The following LRMDA variants were observed in gnomAD, a reference collection of about 807,000 sequenced individuals.
The protein encoded by LRMDA is leucine-rich melanocyte differentiation-associated protein.
In LRMDA, 18 loss-of-function variants were observed where a neutral mutation model predicts 29.8. That is an observed-to-expected ratio of 0.60 (90% CI 0.42 to 0.90). The LOEUF (loss-of-function observed/expected upper bound fraction) is 0.90, where lower values mean the gene tolerates loss of function less well. Among genes scored for constraint, LRMDA ranks in the 40% least tolerant of loss-of-function variants. The pLI, the probability that LRMDA is intolerant of heterozygous loss-of-function variation, is 0.00. For synonymous variants in LRMDA, 125 were observed against 109.4 expected, an observed-to-expected ratio of 1.14 and a Z score of -0.89; for missense variants, 273 against 273.9, an observed-to-expected ratio of 1.00 and a Z score of 0.02.
chr10:76,551,288 T>G (rs1843491649), intron 6 of LRMDA, among the ~76,000 whole-genome samples: 1 of 151,224 alleles, frequency 6.6e-6, no homozygotes, highest in African/African-American at 2.4e-5. Context: ...GGGGCAAATA[T>G]TTAATCCGTA....
intron 2 of LRMDA, among the ~76,000 whole-genome samples, chr10:75,703,967 G>T (rs559067499): frequency 6.6e-6 from 1 of 152,268 alleles, no homozygotes; most frequent in South Asian, 2.1e-4. Context: ...ATTTCAGAGA[G>T]CCAAGTTCTG....
At chr10:76,387,618 G>C (rs956114048) in intron 6 of LRMDA, among the ~76,000 whole-genome samples, 2 of 151,120 alleles carry the variant, frequency 1.3e-5, no homozygotes, top group Non-Finnish European at 2.9e-5. Context: ...AAAAAAAAGT[G>C]GTATATTCAG....
intron 5 of LRMDA, among the ~76,000 whole-genome samples, chr10:76,221,875 A>G (rs1851847313): frequency 6.6e-6 from 1 of 152,008 alleles, no homozygotes; most frequent in Admixed American, 6.5e-5. Flanking sequence ...ACTATACTAC[A>G]AGGCTACAGT....
intron 5 of LRMDA, among the ~76,000 whole-genome samples, chr10:76,263,774 G>T (rs1369369407): frequency 6.6e-6 from 1 of 152,190 alleles, no homozygotes; most frequent in African/African-American, 2.4e-5. Context: ...ATTGATTTTG[G>T]TGATAGGTGA....
intron 5 of LRMDA, among the ~76,000 whole-genome samples, chr10:76,251,377 C>G (rs532800048): frequency 2.7e-4 from 41 of 150,984 alleles, no homozygotes; most frequent in Middle Eastern, 3.4e-3. Flanking sequence ...CTCAGCCTCC[C>G]GAGTAGCTGG....
chr10:75,487,537 T>C (rs892103363), intron 2 of LRMDA, among the ~76,000 whole-genome samples: 1 of 152,222 alleles, frequency 6.6e-6, no homozygotes, highest in Non-Finnish European at 1.5e-5. Flanking sequence ...GTTTGGGATG[T>C]GTGGGAGGTG....
intron 2 of LRMDA, among the ~76,000 whole-genome samples, chr10:75,448,321 C>T (rs1844418010): frequency 1.3e-5 from 2 of 152,260 alleles, no homozygotes; most frequent in African/African-American, 4.8e-5. Flanking sequence ...TGTAAAGTCT[C>T]TCTCTCTCCC....
intron 2 of LRMDA, among the ~76,000 whole-genome samples, chr10:75,881,491 C>A (rs184421087): frequency 3.3e-5 from 5 of 152,192 alleles, no homozygotes; most frequent in Non-Finnish European, 7.3e-5. Flanking sequence ...TCTCTCCCCC[C>A]CACTACCCCT....
chr10:76,013,167 C>T (rs1847814922), intron 2 of LRMDA, among the ~76,000 whole-genome samples: 1 of 152,068 alleles, frequency 6.6e-6, no homozygotes, highest in Admixed American at 6.6e-5. Flanking sequence ...AATCTGTTGG[C>T]TATAAAAAGG....
chr10:76,394,158 T>C (rs145838153), intron 6 of LRMDA, among the ~76,000 whole-genome samples: 100 of 152,334 alleles, frequency 6.6e-4, no homozygotes, highest in African/African-American at 2.3e-3. Flanking sequence ...GTGATAATTT[T>C]ATTTTAATTT....
intron 2 of LRMDA, among the ~76,000 whole-genome samples, chr10:75,802,569 G>A (rs1463611468): frequency 6.6e-6 from 1 of 152,018 alleles, no homozygotes; most frequent in Non-Finnish European, 1.5e-5. Context: ...ACAGAAGGCA[G>A]TATCTTTGGT....
chr10:75,993,471 A>G (rs1425461339), intron 2 of LRMDA, among the ~76,000 whole-genome samples: 1 of 152,178 alleles, frequency 6.6e-6, no homozygotes, highest in Non-Finnish European at 1.5e-5. Context: ...GGTGGCTCAC[A>G]TCTGTAATCC....
intron 6 of LRMDA, among the ~76,000 whole-genome samples, chr10:76,514,862 A>G (rs1232524517): frequency 2.0e-5 from 3 of 152,210 alleles, no homozygotes; most frequent in African/African-American, 7.2e-5. Flanking sequence ...CTGGAAAGCT[A>G]GAAATATGAA....
At chr10:76,110,948 C>G (rs1208291156) in intron 5 of LRMDA, among the ~76,000 whole-genome samples, 1 of 152,196 alleles carries the variant, frequency 6.6e-6, no homozygotes, top group Admixed American at 6.5e-5. Context: ...ATACCATCAG[C>G]ATCCCTGTCC....
At chr10:75,696,990 A>G (rs1048047024) in intron 2 of LRMDA, among the ~76,000 whole-genome samples, 3 of 152,138 alleles carry the variant, frequency 2.0e-5, no homozygotes, top group Admixed American at 6.6e-5. Flanking sequence ...CCATCATAAT[A>G]TCATTTTCCT....
chr10:75,744,447 C>T (rs1440709456), intron 2 of LRMDA, among the ~76,000 whole-genome samples: 1 of 152,160 alleles, frequency 6.6e-6, no homozygotes, highest in Non-Finnish European at 1.5e-5. Context: ...AGTGTTTTTG[C>T]TTTCATGGAC....
chr10:75,458,631 T>C (rs1844549085), intron 2 of LRMDA, among the ~76,000 whole-genome samples: 1 of 152,208 alleles, frequency 6.6e-6, no homozygotes, highest in Non-Finnish European at 1.5e-5. Context: ...GATTTTTATC[T>C]AGTTGTACCT....
intron 2 of LRMDA, among the ~76,000 whole-genome samples, chr10:75,472,349 C>T (rs1407888615): frequency 1.3e-5 from 2 of 152,158 alleles, no homozygotes; most frequent in Non-Finnish European, 2.9e-5. Context: ...AGGCACTGTC[C>T]AGCTCTTGTC....
intron 5 of LRMDA, among the ~76,000 whole-genome samples, chr10:76,247,763 G>A (rs1478209965): frequency 6.6e-6 from 1 of 152,100 alleles, no homozygotes; most frequent in Non-Finnish European, 1.5e-5. Context: ...CAAACATGAT[G>A]TATCAGAGGC....
Sources: allele counts gnomAD v4.1 joint callset (sites outside exome capture counted in the v4.1 genomes callset), GRCh38; gene constraint gnomAD v4.1.1; transcripts MANE v1.5; gene names NCBI Gene and HGNC (gene_info 2026-07-23, HGNC 2026-07-21).